NPAS3: variants seen among roughly 807,000 people sequenced by gnomAD.
NPAS3 encodes the protein neuronal PAS domain-containing protein 3.
NPAS3 carries 14 observed loss-of-function variants against 73.1 expected under a neutral mutation model. The observed-to-expected ratio is 0.19, with a 90% CI of 0.13 to 0.30. NPAS3 has a LOEUF of 0.30. Among genes scored for constraint, NPAS3 ranks in the 10% least tolerant of loss-of-function variants. NPAS3 has a pLI of 1.00. For missense variants in NPAS3, 1,096 were observed against 1,250.0 expected, an observed-to-expected ratio of 0.88 and a Z score of 1.86; for synonymous variants, 620 against 541.5, an observed-to-expected ratio of 1.14 and a Z score of -2.01.
chr14:33,302,950 A>C (rs927880172), intron 3 of NPAS3, among the ~76,000 whole-genome samples: 3 of 147,126 alleles, frequency 2.0e-5, no homozygotes, highest in Non-Finnish European at 4.5e-5. Flanking sequence ...TTTATTTTCT[A>C]TTAGCACCAA....
chr14:33,721,269 GTATTCTGTTAGAGAAAAGGTTGTAGA>G (rs1311784778), intron 6 of NPAS3, among the ~76,000 whole-genome samples: 1 of 152,078 alleles, frequency 6.6e-6, no homozygotes, highest in Non-Finnish European at 1.5e-5. Context: ...TCGGGGAGAG[GTATTCTGTTAGAGAAAAGGTTGTAGA>G]TATTGGTTGT....
intron 4 of NPAS3, among the ~76,000 whole-genome samples, chr14:33,539,042 G>T (rs1000805283): frequency 6.6e-6 from 1 of 152,092 alleles, no homozygotes; most frequent in Non-Finnish European, 1.5e-5. Context: ...CTTATTCTTT[G>T]TGTATCCTGC....
intron 5 of NPAS3, among the ~76,000 whole-genome samples, chr14:33,643,375 T>TTAAAA (rs1555427000): frequency 6.3e-5 from 6 of 94,666 alleles, no homozygotes; most frequent in African/African-American, 2.4e-4. Flanking sequence ...AAATAAAAAT[T>TTAAAA]AAAAAAAAAA....
At chr14:33,570,320 A>G (rs559630223) in intron 5 of NPAS3, among the ~76,000 whole-genome samples, 1 of 152,300 alleles carries the variant, frequency 6.6e-6, no homozygotes, top group South Asian at 2.1e-4. Context: ...AGAGGAAAAC[A>G]TGATCCGACT....
chr14:33,685,666 G>C (rs1808180308), intron 6 of NPAS3, among the ~76,000 whole-genome samples: 1 of 152,140 alleles, frequency 6.6e-6, no homozygotes, highest in Non-Finnish European at 1.5e-5. Context: ...TTGGAAAATG[G>C]TACTGATGCT....
At chr14:33,135,453 AAAT>A (rs1461403821) in intron 2 of NPAS3, among the ~76,000 whole-genome samples, 1 of 152,226 alleles carries the variant, frequency 6.6e-6, no homozygotes, top group Non-Finnish European at 1.5e-5. Context: ...TTTTTATTAA[AAAT>A]AAGACATTCA....
At chr14:33,391,255 G>T (rs569258935) in intron 4 of NPAS3, among the ~76,000 whole-genome samples, 1 of 143,880 alleles carries the variant, frequency 7.0e-6, no homozygotes, top group South Asian at 2.2e-4. Flanking sequence ...GTGCAATGGC[G>T]CGATCTCGGC....
At chr14:33,055,952 T>A in exon 2 of NPAS3, 1 of 810,306 alleles carries the variant, frequency 1.2e-6, no homozygotes, top group Non-Finnish European at 2.1e-6. Flanking sequence ...TGTAGGAAAA[T>A]CTACAGATAT....
chr14:33,077,236 T>C (rs2041690613), intron 2 of NPAS3, among the ~76,000 whole-genome samples: 1 of 151,940 alleles, frequency 6.6e-6, no homozygotes, highest in South Asian at 2.1e-4. Context: ...CAATTCAAAA[T>C]GGGGTGGTCA....
At chr14:33,725,393 A>G (rs186124230) in intron 6 of NPAS3, among the ~76,000 whole-genome samples, 1 of 152,306 alleles carries the variant, frequency 6.6e-6, no homozygotes, top group African/African-American at 2.4e-5. Context: ...TTATCAATAA[A>G]TGGTAAATAA....
At chr14:33,756,516 G>C (rs1351375729) in intron 7 of NPAS3, among the ~76,000 whole-genome samples, 1 of 152,228 alleles carries the variant, frequency 6.6e-6, no homozygotes, top group African/African-American at 2.4e-5. Flanking sequence ...CTGTGAAAGA[G>C]AGCACTGAGC....
chr14:33,243,928 T>C (rs914291210), intron 3 of NPAS3, among the ~76,000 whole-genome samples: 4 of 152,186 alleles, frequency 2.6e-5, no homozygotes, highest in African/African-American at 9.6e-5. Flanking sequence ...GAAAAATTAC[T>C]ATTGCTTTTA....
intron 5 of NPAS3, among the ~76,000 whole-genome samples, chr14:33,630,433 C>T (rs1292409077): frequency 1.3e-5 from 2 of 152,102 alleles, no homozygotes; most frequent in African/African-American, 2.4e-5. Context: ...CTTAATTATC[C>T]CACTGAGATG....
intron 9 of NPAS3, among the ~76,000 whole-genome samples, chr14:33,783,132 C>T (rs772254564): frequency 6.6e-6 from 1 of 152,174 alleles, no homozygotes; most frequent in Non-Finnish European, 1.5e-5. Flanking sequence ...CACAAGATGT[C>T]CTCCATGCAT....
In NPAS3 at chr14:33,799,726, C is replaced by G. The variant is rs752185074; in HGVS notation, c.1427-8C>G. ...CCCCCGCCACCGCCGGCCCCCCGCC[C>G]CACACAGAGGACAACGAGAACTCCA... On this transcript the variant is annotated splice_region_variant and splice_polypyrimidine_tract_variant and intron_variant, in intron 11 of 11. Coordinates refer to ENST00000356141, the Ensembl canonical transcript of NPAS3. 1 of 1,558,866 alleles carries G rather than the reference C, an allele frequency of 6.4e-7. No homozygotes were observed. Among genetic ancestry groups the G allele is most frequent in the Non-Finnish European group, 8.7e-7 (1 of 1,151,786 alleles).
intron 3 of NPAS3, among the ~76,000 whole-genome samples, chr14:33,308,553 C>CACACACACACATACAT (rs1195213186): frequency 3.7e-4 from 42 of 113,902 alleles, no homozygotes; most frequent in African/African-American, 1.4e-3. Context: ...CACACACACA[C>CACACACACACATACAT]ACATACATAC....
intron 2 of NPAS3, among the ~76,000 whole-genome samples, chr14:33,213,339 A>G (rs536998394): frequency 1.6e-4 from 24 of 152,310 alleles, no homozygotes; most frequent in African/African-American, 1.4e-4. Context: ...TCCTTCCCCT[A>G]TGTAAAAGTG....
chr14:33,526,266 A>G (rs2053797427), intron 4 of NPAS3, among the ~76,000 whole-genome samples: 1 of 148,564 alleles, frequency 6.7e-6, no homozygotes, highest in Non-Finnish European at 1.5e-5. Context: ...ACCAGTAAAT[A>G]ATAAACTCAC....
intron 4 of NPAS3, among the ~76,000 whole-genome samples, chr14:33,486,605 A>T (rs956532918): frequency 2.0e-5 from 3 of 152,126 alleles, no homozygotes; most frequent in Non-Finnish European, 4.4e-5. Context: ...TTCAGTTGAG[A>T]AGAAGCTCTC....
Sources: allele counts gnomAD v4.1 joint callset (sites outside exome capture counted in the v4.1 genomes callset), GRCh38; gene constraint gnomAD v4.1.1; transcripts MANE v1.5; gene names NCBI Gene and HGNC (gene_info 2026-07-23, HGNC 2026-07-21).